The following MFN2 variants were observed in gnomAD, a reference collection of about 807,000 sequenced individuals.
MFN2 encodes the protein mitofusin 2.
Under a neutral mutation model 87.5 loss-of-function variants are expected in MFN2, and 43 were observed. That is an observed-to-expected ratio of 0.49 (90% CI 0.38 to 0.63). The LOEUF (loss-of-function observed/expected upper bound fraction) is 0.63. Among genes scored for constraint, MFN2 ranks in the 30% least tolerant of loss-of-function variants. MFN2 has a pLI of 0.00. For synonymous variants in MFN2, 337 were observed against 359.9 expected (o/e 0.94, Z 0.72); for missense variants, 743 against 972.8 (o/e 0.76, Z 3.14).
intron 1 of MFN2, 50 bp from the exon 2 acceptor site, chr1:11,981,920 G>GTTTTGTTT: frequency 7.2e-6 from 1 of 138,012 alleles, no homozygotes; most frequent in South Asian, 2.3e-4. Flanking sequence ...GTACACCAGT[G>GTTTTGTTT]TTTTTTTTTT....
chr1:11,994,631 G>T (rs367896033), intron 4 of MFN2, among the ~76,000 whole-genome samples: 2 of 152,224 alleles, frequency 1.3e-5, no homozygotes, highest in African/African-American at 4.8e-5. Flanking sequence ...CATCTAGACA[G>T]ATTGTATGCT....
chr1:12,008,431 C>G (rs1423453759), intron 17 of MFN2, among the ~76,000 whole-genome samples: 2 of 133,052 alleles, frequency 1.5e-5, no homozygotes, highest in Non-Finnish European at 3.1e-5. Context: ...TGACCCCCCC[C>G]ACCTCCCTCC....
At chr1:12,009,296 G>A (rs1038382090) in intron 17 of MFN2, among the ~76,000 whole-genome samples, 7 of 152,194 alleles carry the variant, frequency 4.6e-5, no homozygotes, top group Non-Finnish European at 8.8e-5. Flanking sequence ...AAATAGTGAC[G>A]TGTCCTCTGC....
rs554410516 is a variant in MFN2 at position 11,986,955 on chromosome 1, A to C, written c.-4-2210A>C. On this transcript the variant is annotated intron_variant, in intron 2 of 18. Coordinates refer to ENST00000235329, the MANE Select transcript of MFN2 (RefSeq NM_014874.4). ...CTCTAAAATGTTGTTATATGAAAAG[A>C]TAAGCTACAAAGATATGTAGGATTG... is the stretch of plus-strand genomic sequence containing the variant. Among the ~76,000 whole-genome samples, 14 of 152,302 alleles carry C rather than the reference A, an allele frequency of 9.2e-5. No individual in the cohort carries two copies. The South Asian group carries it at 2.9e-3, about 32-fold the overall frequency.
rs374822911 is a variant in MFN2 at position 12,001,753 on chromosome 1, A to G, written c.971-16A>G. On this transcript the variant is annotated splice_polypyrimidine_tract_variant and intron_variant, in intron 9 of 18. Coordinates refer to ENST00000235329, the MANE Select transcript of MFN2 (RefSeq NM_014874.4). ...TGCCAAGTTGTTTCTGGACTAATGC[A>G]GTACAATCCTCCTAGGGGGCGCTCT... 40 of 1,614,048 alleles carry G rather than the reference A, an allele frequency of 2.5e-5. No homozygotes were observed. The African/African-American group carries it at 4.9e-4, about 20-fold the overall frequency.
At chr1:12,009,557 A>C in intron 17 of MFN2, 35 bp from the exon 18 acceptor site, 4 of 1,614,074 alleles carry the variant, frequency 2.5e-6, no homozygotes, top group Non-Finnish European at 3.4e-6. Flanking sequence ...CTTGCTCCAC[A>C]CACCCCAACT....
chr1:11,993,146 T>C (rs1478050985), intron 4 of MFN2, among the ~76,000 whole-genome samples: 3 of 151,482 alleles, frequency 2.0e-5, no homozygotes, highest in African/African-American at 2.4e-5. Flanking sequence ...CTGTCCCACA[T>C]GTCCCTTGCC....
At chr1:12,011,337 TG>T (rs1031245804) in intron 18 of MFN2, among the ~76,000 whole-genome samples, 158 bp from the exon 19 acceptor site, 2 of 152,198 alleles carry the variant, frequency 1.3e-5, no homozygotes, top group Non-Finnish European at 2.9e-5. Flanking sequence ...TTAACCCCTC[TG>T]GGCCTCCTTT....
intron 1 of MFN2, among the ~76,000 whole-genome samples, chr1:11,981,545 C>T (rs376611406): frequency 3.5e-4 from 53 of 152,314 alleles, no homozygotes; most frequent in African/African-American, 1.2e-3. Flanking sequence ...GCCCTCTGTC[C>T]CACAGAATAG....
intron 3 of MFN2, among the ~76,000 whole-genome samples, chr1:11,991,506 G>A (rs1206425763): frequency 2.6e-5 from 4 of 152,296 alleles, no homozygotes; most frequent in East Asian, 1.9e-4. Context: ...TGGGGAGGGG[G>A]TTTGGGCAGC....
intron 17 of MFN2, among the ~76,000 whole-genome samples, 181 bp from the exon 18 acceptor site, chr1:12,009,410 GT>G (rs1639590656): frequency 6.6e-6 from 1 of 152,198 alleles, no homozygotes; most frequent in African/African-American, 2.4e-5. Flanking sequence ...AGTGTGTTTG[GT>G]TGTTATGATT....
intron 2 of MFN2, among the ~76,000 whole-genome samples, chr1:11,983,839 T>C (rs960933460): frequency 1.3e-5 from 2 of 152,066 alleles, no homozygotes; most frequent in African/African-American, 4.8e-5. Flanking sequence ...AGAAGGACAG[T>C]AGGAGTATGC....
chr1:11,994,763 G>C (rs181931976), intron 4 of MFN2, among the ~76,000 whole-genome samples: 1 of 152,240 alleles, frequency 6.6e-6, no homozygotes, highest in African/African-American at 2.4e-5. Flanking sequence ...TCACCTGGGA[G>C]GTATGACCCC....
intron 6 of MFN2, among the ~76,000 whole-genome samples, chr1:11,997,686 C>T (rs982820357): frequency 1.3e-5 from 2 of 152,066 alleles, no homozygotes; most frequent in Admixed American, 6.6e-5. Context: ...GGGAGGTTCT[C>T]AATCTCAGCC....
intron 16 of MFN2, 128 bp from the exon 17 acceptor site, chr1:12,006,925 G>A: frequency 7.5e-7 from 1 of 1,337,672 alleles, no homozygotes; most frequent in South Asian, 1.2e-5. Flanking sequence ...GACATTGAAA[G>A]AGGAACTCAG....
chr1:11,994,093 G>A (rs924636730), intron 4 of MFN2, among the ~76,000 whole-genome samples: 1 of 152,170 alleles, frequency 6.6e-6, no homozygotes, highest in African/African-American at 2.4e-5. Flanking sequence ...TGGGGTATCT[G>A]TTTCTACCAC....
At chr1:11,989,419 G>A (rs2100803366) in intron 3 of MFN2, 76 bp downstream of exon 3, 1 of 1,524,936 alleles carries the variant, frequency 6.6e-7, no homozygotes, top group South Asian at 1.1e-5. Context: ...CGGGTGGGGA[G>A]GTATATCTCT....
Position 12,007,189 on chromosome 1 carries a change from GC to G in MFN2, c.2010del (p.Ser670ArgfsTer48). On this transcript the variant is annotated frameshift_variant, in exon 17 of 19. Coordinates refer to ENST00000235329, the MANE Select transcript of MFN2 (RefSeq NM_014874.4). LOFTEE classifies it high-confidence loss of function. ...AFKRQFVEHA[S>X]EKLQLVISYT... is the part of the protein sequence containing the mutation. ...AAGCGCCAGTTTGTGGAGCATGCCA[GC>G]GAGAAGCTGCAGCTTGTCATCAGCT... 6.2e-7 allele frequency: 1 copy of G among 1,614,182 alleles called. No homozygotes were observed. The highest frequency in any genetic ancestry group is 8.5e-7 in the Non-Finnish European group (1 of 1,180,046).
intron 2 of MFN2, among the ~76,000 whole-genome samples, chr1:11,986,838 A>G (rs1218296441): frequency 6.6e-6 from 1 of 151,838 alleles, no homozygotes; most frequent in Non-Finnish European, 1.5e-5. Flanking sequence ...GGGCCTCCCA[A>G]AGTGCAGGGA....
Sources: allele counts gnomAD v4.1 joint callset (sites outside exome capture counted in the v4.1 genomes callset), GRCh38; gene constraint gnomAD v4.1.1; transcripts MANE v1.5; gene names NCBI Gene and HGNC (gene_info 2026-07-23, HGNC 2026-07-21).